The following DLG2 variants were observed in gnomAD, a reference collection of about 807,000 sequenced individuals.
DLG2 encodes disks large homolog 2.
In DLG2, 45 loss-of-function variants were observed where a neutral mutation model predicts 132.5. The ratio of observed to expected loss-of-function variants is 0.34; its 90% CI spans 0.27 to 0.44. The LOEUF is 0.44. Ranked by LOEUF, DLG2 falls within the 20% of genes least tolerant of loss-of-function variation. DLG2 has a pLI of 1.00. For missense variants in DLG2, 1,045 were observed against 1,196.9 expected, an observed-to-expected ratio of 0.87 and a Z score of 1.87; for synonymous variants, 424 against 419.6, an observed-to-expected ratio of 1.01 and a Z score of -0.13.
chr11:85,302,537 C>T (rs1342087345), intron 3 of DLG2, among the ~76,000 whole-genome samples: 1 of 150,984 alleles, frequency 6.6e-6, no homozygotes, highest in Non-Finnish European at 1.5e-5. Flanking sequence ...TGACCTGAGA[C>T]TAGTCAATTG....
intron 7 of DLG2, among the ~76,000 whole-genome samples, chr11:84,485,443 A>C (rs544018983): frequency 6.6e-6 from 1 of 152,284 alleles, no homozygotes; most frequent in African/African-American, 2.4e-5. Context: ...ACTCATTCCA[A>C]AATGGTTTTC....
At chr11:84,107,532 A>G (rs1228517811) in intron 9 of DLG2, among the ~76,000 whole-genome samples, 2 of 152,106 alleles carry the variant, frequency 1.3e-5, no homozygotes, top group Non-Finnish European at 2.9e-5. Flanking sequence ...GCGCATATGC[A>G]TGTATACACA....
At chr11:84,630,961 G>A (rs922640101) in intron 6 of DLG2, among the ~76,000 whole-genome samples, 2 of 112,762 alleles carry the variant, frequency 1.8e-5, no homozygotes, top group African/African-American at 3.4e-5. Flanking sequence ...ACTTGGTCTG[G>A]GTGATTCTTA....
intron 20 of DLG2, among the ~76,000 whole-genome samples, chr11:83,538,041 T>C (rs570296407): frequency 2.0e-5 from 3 of 152,234 alleles, no homozygotes; most frequent in East Asian, 1.9e-4. Context: ...ACAATTAGAA[T>C]AGTAGCGCAG....
intron 4 of DLG2, among the ~76,000 whole-genome samples, chr11:85,168,089 C>T (rs145611589): frequency 5.5e-4 from 83 of 152,174 alleles, no homozygotes; most frequent in Non-Finnish European, 9.7e-4. Flanking sequence ...GAAAAGTGTC[C>T]ACCTTATTTG....
At chr11:84,130,364 A>G (rs2094361950) in intron 9 of DLG2, among the ~76,000 whole-genome samples, 1 of 151,998 alleles carries the variant, frequency 6.6e-6, no homozygotes, top group Admixed American at 6.6e-5. Flanking sequence ...CACCTACAGT[A>G]GGCAAAGATT....
At chr11:84,239,304 C>T (rs149608413) in intron 8 of DLG2, among the ~76,000 whole-genome samples, 6 of 152,094 alleles carry the variant, frequency 3.9e-5, no homozygotes, top group African/African-American at 1.2e-4. Context: ...CATCAGCCTC[C>T]GGAGTAGCTG....
chr11:84,732,863 T>C (rs1173464162), intron 6 of DLG2, among the ~76,000 whole-genome samples: 2 of 151,398 alleles, frequency 1.3e-5, no homozygotes, highest in Non-Finnish European at 2.9e-5. Context: ...ATTGTTCAAT[T>C]CCCACCTATG....
At chr11:83,905,934 T>C (rs1264558370) in intron 15 of DLG2, among the ~76,000 whole-genome samples, 1 of 152,042 alleles carries the variant, frequency 6.6e-6, no homozygotes, top group Non-Finnish European at 1.5e-5. Context: ...TTTTGCACTA[T>C]AAAAGCTCAC....
At chr11:83,909,594 T>A (rs944062806) in intron 15 of DLG2, among the ~76,000 whole-genome samples, 4 of 152,176 alleles carry the variant, frequency 2.6e-5, no homozygotes, top group African/African-American at 7.2e-5. Context: ...CGGATTGTTA[T>A]AAAATAAATA....
rs142368102 is a variant in DLG2 at position 83,640,085 on chromosome 11, C to T, written c.1826-6760G>A. 2.5e-3 allele frequency among the ~76,000 whole-genome samples: 379 copies of T among 152,296 alleles called. 1 individual carries two copies. The highest frequency in any genetic ancestry group is 3.8e-3 in the Non-Finnish European group (260 of 68,012). Reference sequence around the variant, plus strand: ...CCTCTTTCTATTTGTTCATTATAAACGTGTGCAGCTTTAACAACAACTGGT... The same window carrying T: ...CCTCTTTCTATTTGTTCATTATAAATGTGTGCAGCTTTAACAACAACTGGT... On this transcript the variant is annotated intron_variant, in intron 18 of 27. Transcript: ENST00000376104.
At chr11:84,007,992 A>G (rs929499769) in intron 11 of DLG2, among the ~76,000 whole-genome samples, 1 of 151,818 alleles carries the variant, frequency 6.6e-6, no homozygotes, top group African/African-American at 2.4e-5. Flanking sequence ...AATACATCAT[A>G]CACTTTAAAC....
intron 7 of DLG2, among the ~76,000 whole-genome samples, chr11:84,505,710 G>C (rs1243564294): frequency 6.6e-6 from 1 of 151,990 alleles, no homozygotes; most frequent in Non-Finnish European, 1.5e-5. Flanking sequence ...TTTAATAGTA[G>C]CAATAGTAAA....
chr11:83,628,316 G>C (rs2062968075), intron 19 of DLG2, among the ~76,000 whole-genome samples: 1 of 152,118 alleles, frequency 6.6e-6, no homozygotes, highest in Admixed American at 6.6e-5. Flanking sequence ...AAGAAAGTAA[G>C]CCCAGAGAAA....
intron 14 of DLG2, among the ~76,000 whole-genome samples, chr11:83,955,233 G>T (rs2086534337): frequency 6.6e-6 from 1 of 152,186 alleles, no homozygotes; most frequent in South Asian, 2.1e-4. Context: ...CAGAGGCAAA[G>T]GGGAGTTACA....
chr11:84,138,500 C>T (rs1049011596), intron 9 of DLG2, among the ~76,000 whole-genome samples: 7 of 152,140 alleles, frequency 4.6e-5, no homozygotes, highest in South Asian at 2.1e-4. Context: ...GAAGACAGCC[C>T]GTCCCTAAAG....
intron 6 of DLG2, among the ~76,000 whole-genome samples, chr11:84,671,273 A>T (rs768578880): frequency 6.6e-6 from 1 of 151,720 alleles, no homozygotes; most frequent in Non-Finnish European, 1.5e-5. Flanking sequence ...TTATTTTTTT[A>T]AATTTTTTTT....
At chr11:83,680,993 T>G (rs979199450) in intron 18 of DLG2, among the ~76,000 whole-genome samples, 2 of 152,132 alleles carry the variant, frequency 1.3e-5, no homozygotes, top group African/African-American at 4.8e-5. Flanking sequence ...GAAATTACAA[T>G]AGTGTACAGG....
chr11:84,928,686 C>G (rs1342798173), intron 6 of DLG2, among the ~76,000 whole-genome samples: 2 of 151,612 alleles, frequency 1.3e-5, no homozygotes, highest in Non-Finnish European at 3.0e-5. Flanking sequence ...CATTATAAAC[C>G]CTGAATCAAT....
Sources: gnomAD v4.1 joint callset for allele counts (sites outside exome capture counted in the v4.1 genomes callset) on GRCh38, gnomAD v4.1.1 for gene constraint, MANE v1.5 for transcripts, NCBI Gene and HGNC (gene_info 2026-07-23, HGNC 2026-07-21) for gene names.